C2orf92: variants seen among roughly 807,000 people sequenced by gnomAD.
C2orf92 encodes the protein uncharacterized protein C2orf92.
chr2:97,680,751 C>T (rs1437540376), intron 3 of C2orf92, among the ~76,000 whole-genome samples: 1 of 152,032 alleles, frequency 6.6e-6, no homozygotes, highest in Admixed American at 6.6e-5. Flanking sequence ...ACGGTGAAAC[C>T]CCATCTCTAC....
At chr2:97,664,628 A>G (rs1278527533) in intron 1 of C2orf92, 1 of 151,940 alleles carries the variant, frequency 6.6e-6, no homozygotes, top group Non-Finnish European at 1.5e-5. Flanking sequence ...GATGTCGACT[A>G]TATTGCAAGT....
intron 5 of C2orf92, among the ~76,000 whole-genome samples, chr2:97,691,666 G>A (rs1676141715): frequency 6.6e-6 from 1 of 152,188 alleles, no homozygotes; most frequent in Non-Finnish European, 1.5e-5. Context: ...TTCCCGGGCC[G>A]CACCATGCAT....
At chr2:97,673,294 C>T (rs1675474809) in intron 1 of C2orf92, among the ~76,000 whole-genome samples, 2 of 152,122 alleles carry the variant, frequency 1.3e-5, no homozygotes, top group Non-Finnish European at 2.9e-5. Flanking sequence ...TGGCACGAAG[C>T]GTGGGGTGGA....
chr2:97,684,416 G>A (rs1675885431), intron 3 of C2orf92, among the ~76,000 whole-genome samples: 1 of 152,106 alleles, frequency 6.6e-6, no homozygotes, highest in African/African-American at 2.4e-5. Context: ...TGGGAAAACT[G>A]GAAGGTCACA....
chr2:97,694,415 A>ATTTTTTT (rs60768687), intron 5 of C2orf92: 1 of 129,940 alleles, frequency 7.7e-6, no homozygotes, highest in African/African-American at 2.9e-5. Context: ...CGCCCGGCTA[A>ATTTTTTT]TTTTTTTTTT....
intron 1 of C2orf92, chr2:97,671,489 T>C: frequency 2.5e-6 from 1 of 398,628 alleles, no homozygotes; most frequent in Non-Finnish European, 4.4e-6. Flanking sequence ...AAGGTTTGGC[T>C]AAAATCTTTG....
upstream of C2orf92, among the ~76,000 whole-genome samples, chr2:97,667,275 T>A (rs911504922): frequency 2.1e-4 from 32 of 150,816 alleles, no homozygotes; most frequent in East Asian, 4.8e-3. Flanking sequence ...TTTATTTTTT[T>A]TTTTTTTGAG....
At chr2:97,680,276 G>T (rs144633634) in intron 3 of C2orf92, among the ~76,000 whole-genome samples, 2 of 152,206 alleles carry the variant, frequency 1.3e-5, no homozygotes. Flanking sequence ...TTCAGCCTGG[G>T]CGACAGAGTG....
At chr2:97,666,238 G>A (rs1008131785), upstream of C2orf92, among the ~76,000 whole-genome samples, 1 of 149,160 alleles carries the variant, frequency 6.7e-6, no homozygotes, top group African/African-American at 2.5e-5. Context: ...TGCCTTGCTA[G>A]TTTTAAGATG....
rs1339301482 is a variant in C2orf92 at position 97,701,500 on chromosome 2, T to A, written c.665+196T>A. ...GGGTTTTCGGCACAGCCTGGGTGAT[T>A]CTGATGCACAGCCGGGTTTGGGGAT... is the stretch of plus-strand genomic sequence containing the variant. On this transcript the variant is annotated intron_variant, in intron 7 of 7. Transcript: ENST00000627399. 2.6e-5 allele frequency among the ~76,000 whole-genome samples: 4 copies of A among 152,106 alleles called. No individual in the cohort carries two copies. The East Asian group carries it at 7.7e-4, about 29-fold the overall frequency.
chr2:97,693,390 G>T (rs1676202048), intron 5 of C2orf92, among the ~76,000 whole-genome samples: 1 of 152,024 alleles, frequency 6.6e-6, no homozygotes, highest in South Asian at 2.1e-4. Flanking sequence ...TTAATTTTTT[G>T]AGGAACCTCC....
chr2:97,669,651 T>C, upstream of C2orf92: 1 of 393,814 alleles, frequency 2.5e-6, no homozygotes, highest in Non-Finnish European at 4.5e-6. Context: ...TTCTCATGGT[T>C]GAGCAGGCTC....
upstream of C2orf92, chr2:97,669,466 T>G: frequency 4.4e-6 from 1 of 227,060 alleles, no homozygotes; most frequent in Non-Finnish European, 8.5e-6. Context: ...CTTCAGCCAA[T>G]TTAGTTGAAG....
At chr2:97,677,335 C>G (rs557685844) in intron 3 of C2orf92, 8 of 152,178 alleles carry the variant, frequency 5.3e-5, no homozygotes, top group Non-Finnish European at 7.3e-5. Context: ...TTAAAAAACT[C>G]TATGGGCTGA....
chr2:97,667,102 A>T (rs1013248861), upstream of C2orf92: 1 of 152,188 alleles, frequency 6.6e-6, no homozygotes, highest in Non-Finnish European at 1.5e-5. Context: ...AAAATAGATC[A>T]CTGTGTAGCC....
chr2:97,665,865 C>T (rs1302765820), upstream of C2orf92: 22 of 151,386 alleles, frequency 1.5e-4, no homozygotes, highest in Admixed American at 1.5e-3. Context: ...GCAACCTCCA[C>T]CTCCCAGGCT....
intron 2 of C2orf92, 60 bp from the exon 3 acceptor site, chr2:97,675,782 TGAA>T (rs1045973319): frequency 2.5e-6 from 1 of 398,886 alleles, no homozygotes; most frequent in African/African-American, 2.1e-5. Context: ...AGTATCAATC[TGAA>T]GGGAACAGCT....
At chr2:97,669,867 G>A (rs2104528965) in intron 1 of C2orf92, 33 bp downstream of exon 1, 2 of 398,608 alleles carry the variant, frequency 5.0e-6, no homozygotes, top group South Asian at 1.3e-4. Flanking sequence ...GAGAAACATG[G>A]GCCTCACTTC....
At chr2:97,663,963 C>CGGG, upstream of C2orf92, 1 of 877,850 alleles carries the variant, frequency 1.1e-6, no homozygotes, top group Non-Finnish European at 1.5e-6. Flanking sequence ...GCGGGAGGAC[C>CGGG]GGGACGGCGG....
Sources: gnomAD v4.1 joint callset for allele counts (sites outside exome capture counted in the v4.1 genomes callset) on GRCh38, gnomAD v4.1.1 for gene constraint, MANE v1.5 for transcripts, NCBI Gene and HGNC (gene_info 2026-07-23, HGNC 2026-07-21) for gene names.